Variants in CREM observed in about 807,000 individuals in gnomAD.
The protein encoded by CREM is cAMP responsive element modulator.
Under a neutral mutation model 37.3 loss-of-function variants are expected in CREM, and 13 were observed. The observed-to-expected ratio is 0.35, with a 90% CI of 0.23 to 0.55. The LOEUF is 0.55. CREM is among the 20% of genes least tolerant of loss of function. CREM has a pLI of 0.88. For synonymous variants in CREM, 124 were observed against 120.2 expected (o/e 1.03, Z -0.21); for missense variants, 296 against 362.3 (o/e 0.82, Z 1.49).
intron 6 of CREM, among the ~76,000 whole-genome samples, chr10:35,190,237 T>C (rs2094851830): frequency 6.6e-6 from 1 of 152,230 alleles, no homozygotes; most frequent in Non-Finnish European, 1.5e-5. Context: ...GTCACAAAGA[T>C]TTTTTTCCAC....
chr10:35,187,196 T>A (rs1358438252), intron 5 of CREM, among the ~76,000 whole-genome samples: 1 of 76,888 alleles, frequency 1.3e-5, no homozygotes, highest in Non-Finnish European at 2.5e-5. Context: ...AATATATTAA[T>A]ATATAATATA....
intron 3 of CREM, among the ~76,000 whole-genome samples, chr10:35,164,295 C>G (rs903258474): frequency 6.6e-6 from 1 of 152,184 alleles, no homozygotes; most frequent in African/African-American, 2.4e-5. Context: ...CTTCCTTGAT[C>G]TTAAAATGGT....
chr10:35,143,861 T>C (rs1033002289), intron 2 of CREM, among the ~76,000 whole-genome samples: 1 of 152,090 alleles, frequency 6.6e-6, no homozygotes, highest in Admixed American at 6.5e-5. Flanking sequence ...AGTACTCTCT[T>C]GAGAGGACAG....
intron 1 of CREM, among the ~76,000 whole-genome samples, chr10:35,137,318 T>G (rs1340683495): frequency 1.3e-5 from 2 of 152,154 alleles, no homozygotes; most frequent in Non-Finnish European, 1.5e-5. Context: ...AAAACCCAAG[T>G]TGGAATTTAA....
chr10:35,201,315 C>CT (rs1454070926), intron 6 of CREM: 1 of 861,340 alleles, frequency 1.2e-6, no homozygotes, highest in East Asian at 2.7e-5. Flanking sequence ...TCTTTCAGAA[C>CT]TTAAGGAGGG....
chr10:35,173,468 A>T (rs976965786), intron 3 of CREM, among the ~76,000 whole-genome samples: 26 of 152,242 alleles, frequency 1.7e-4, no homozygotes, highest in African/African-American at 6.0e-4. Context: ...GTAAAAATGT[A>T]AAACAGTGCT....
intron 3 of CREM, among the ~76,000 whole-genome samples, chr10:35,170,904 G>C (rs1024291340): frequency 1.3e-5 from 2 of 152,058 alleles, no homozygotes; most frequent in African/African-American, 4.8e-5. Context: ...TAGTTCTCCA[G>C]ATATAAGAGT....
chr10:35,156,153 A>G (rs2092899916), intron 3 of CREM, among the ~76,000 whole-genome samples: 1 of 151,040 alleles, frequency 6.6e-6, no homozygotes, highest in Non-Finnish European at 1.5e-5. Flanking sequence ...GGTAGCCAGG[A>G]TGGTCTCAAT....
At chr10:35,158,135 G>A (rs1260506205) in intron 3 of CREM, among the ~76,000 whole-genome samples, 1 of 152,210 alleles carries the variant, frequency 6.6e-6, no homozygotes, top group African/African-American at 2.4e-5. Flanking sequence ...TTGTTAAAAT[G>A]TCCATACTAC....
At chr10:35,127,950 A>G (rs2135242550) in intron 1 of CREM, among the ~76,000 whole-genome samples, 1 of 152,084 alleles carries the variant, frequency 6.6e-6, no homozygotes, top group African/African-American at 2.4e-5. Context: ...GGTTCAAGCG[A>G]TTCTCTTGCC....
At chr10:35,144,423 T>TC (rs1156881308) in intron 2 of CREM, among the ~76,000 whole-genome samples, 2 of 152,152 alleles carry the variant, frequency 1.3e-5, no homozygotes, top group African/African-American at 4.8e-5. Context: ...GGGTCAGGTG[T>TC]CCATGAAAAC....
chr10:35,187,185 AAATATATT>A (rs1216353890), intron 5 of CREM, among the ~76,000 whole-genome samples: 3 of 64,974 alleles, frequency 4.6e-5, no homozygotes, highest in Non-Finnish European at 8.4e-5. Context: ...ATTAATATAT[AAATATATT>A]AATATATAAT....
At chr10:35,187,145 T>C (rs866814042) in intron 5 of CREM, among the ~76,000 whole-genome samples, 1 of 65,020 alleles carries the variant, frequency 1.5e-5, no homozygotes, top group Admixed American at 2.8e-4. Flanking sequence ...TATTAATATA[T>C]AATATATATA....
chr10:35,146,370 C>G lies in CREM; in HGVS notation c.45-1998C>G, dbSNP rs1472257970. Among the ~76,000 whole-genome samples the G allele has an allele frequency of 2.6e-5, 4 of 152,336 alleles. No individual in the cohort carries two copies. In the East Asian group the frequency reaches 5.8e-4, roughly 22 times the overall value. On this transcript the variant is annotated intron_variant, in intron 2 of 7. Coordinates refer to ENST00000685392, the MANE Select transcript of CREM (RefSeq NM_183011.2). ...TTGGACCTGTGCCCTTCACCCTTCT[C>G]AAGACACACTAGCAGATTGAAGCTT...
intron 3 of CREM, chr10:35,176,103 A>C (rs1210967533): frequency 4.8e-5 from 67 of 1,407,994 alleles, no homozygotes; most frequent in Non-Finnish European, 6.6e-6. Context: ...GCTTATACGC[A>C]AATCTTTTTA....
chr10:35,151,927 T>G (rs2092625128), intron 3 of CREM, among the ~76,000 whole-genome samples: 1 of 152,232 alleles, frequency 6.6e-6, no homozygotes, highest in Admixed American at 6.5e-5. Context: ...GTATTGTTAC[T>G]ATCATACAAT....
At chr10:35,173,507 CA>C (rs1421581775) in intron 3 of CREM, among the ~76,000 whole-genome samples, 1 of 152,102 alleles carries the variant, frequency 6.6e-6, no homozygotes, top group African/African-American at 2.4e-5. Flanking sequence ...AAAATGTAAT[CA>C]TTTTTCATAA....
rs958231995 is a variant in CREM at position 35,137,863 on chromosome 10, A to T, written c.28A>T (p.Ile10Phe). Residue 10 changes from isoleucine (I) to phenylalanine (F), a missense_variant, in exon 2 of 8, where the codon ATT becomes TTT. By Grantham distance (21) the Ile-to-Phe change is conservative. Coordinates refer to ENST00000685392, the MANE Select transcript of CREM (RefSeq NM_183011.2). MSKCARKKY[I>F]KTNPRQMTME... ...GAGCAAATGTGCAAGGAAAAAATAT[A>T]TTAAGACAAATCCAAGGTAGGTAGA... 6.3e-7 allele frequency: 1 copy of T among 1,590,444 alleles called. No individual in the cohort carries two copies. The highest frequency in any genetic ancestry group is 8.6e-7 in the Non-Finnish European group (1 of 1,167,816).
intron 1 of CREM, among the ~76,000 whole-genome samples, chr10:35,134,498 T>C (rs1045127938): frequency 6.6e-6 from 1 of 152,190 alleles, no homozygotes; most frequent in African/African-American, 2.4e-5. Flanking sequence ...ATTACAGGGG[T>C]GAGCCACAGC....
Sources: gnomAD v4.1 joint callset for allele counts (sites outside exome capture counted in the v4.1 genomes callset) on GRCh38, gnomAD v4.1.1 for gene constraint, MANE v1.5 for transcripts, NCBI Gene and HGNC (gene_info 2026-07-23, HGNC 2026-07-21) for gene names.